RAD51B: variants seen among roughly 807,000 people sequenced by gnomAD.
The protein encoded by RAD51B is RAD51 paralog B, also known as DNA repair protein RAD51 homolog 2.
Under a neutral mutation model 42.2 loss-of-function variants are expected in RAD51B, and 38 were observed. The ratio of observed to expected loss-of-function variants is 0.90; its 90% CI spans 0.70 to 1.18. RAD51B has a LOEUF of 1.18. Ranked by LOEUF, RAD51B falls within the 50% of genes most tolerant of loss-of-function variation. The pLI is 0.00. For synonymous variants in RAD51B, 154 were observed against 145.2 expected, an observed-to-expected ratio of 1.06 and a Z score of -0.43; for missense variants, 373 against 400.7, an observed-to-expected ratio of 0.93 and a Z score of 0.59.
At chr14:68,495,507 G>T (rs3784130) in intron 10 of RAD51B, among the ~76,000 whole-genome samples, 1 of 151,958 alleles carries the variant, frequency 6.6e-6, no homozygotes, top group Non-Finnish European at 1.5e-5. Flanking sequence ...CTCAGGGCTA[G>T]GCTGGAGGGG....
chr14:68,508,540 C>G (rs1240214864), intron 10 of RAD51B, among the ~76,000 whole-genome samples: 1 of 152,176 alleles, frequency 6.6e-6, no homozygotes, highest in African/African-American at 2.4e-5. Context: ...CTATTCAAGG[C>G]CCAGACATAA....
At chr14:68,005,274 G>A (rs1032510679) in intron 7 of RAD51B, among the ~76,000 whole-genome samples, 3 of 151,828 alleles carry the variant, frequency 2.0e-5, no homozygotes, top group African/African-American at 4.8e-5. Context: ...GGCTGATCTC[G>A]AACTCCTGAC....
intron 7 of RAD51B, among the ~76,000 whole-genome samples, chr14:67,899,722 A>G (rs112430431): frequency 1.1e-4 from 17 of 152,346 alleles, no homozygotes; most frequent in African/African-American, 4.1e-4. Context: ...TCTTATTGAT[A>G]ACTACTTTTT....
intron 7 of RAD51B, among the ~76,000 whole-genome samples, chr14:68,087,760 A>C (rs2077007404): frequency 6.7e-6 from 1 of 148,870 alleles, no homozygotes; most frequent in Admixed American, 6.8e-5. Flanking sequence ...ATATTAAATA[A>C]ATAAGAACTG....
At chr14:68,313,424 G>C (rs1353878481) in intron 8 of RAD51B, among the ~76,000 whole-genome samples, 1 of 152,126 alleles carries the variant, frequency 6.6e-6, no homozygotes, top group Non-Finnish European at 1.5e-5. Flanking sequence ...GTCTTTCATG[G>C]GTAGCTTACA....
intron 7 of RAD51B, among the ~76,000 whole-genome samples, chr14:68,029,220 T>C (rs1163727285): frequency 1.3e-5 from 2 of 152,262 alleles, no homozygotes; most frequent in South Asian, 2.1e-4. Flanking sequence ...CAAATTGTGT[T>C]GGTTTACTTG....
chr14:68,225,454 C>T (rs901076579), intron 7 of RAD51B, among the ~76,000 whole-genome samples: 3 of 152,132 alleles, frequency 2.0e-5, no homozygotes, highest in African/African-American at 7.2e-5. Context: ...TTCTTTCAGT[C>T]TAAATTAAGG....
At chr14:68,391,758 C>T (rs144284451) in intron 8 of RAD51B, among the ~76,000 whole-genome samples, 12 of 152,218 alleles carry the variant, frequency 7.9e-5, no homozygotes, top group Admixed American at 3.3e-4. Flanking sequence ...CTTGTTGACT[C>T]AGTTCCCATG....
intron 11 of RAD51B, among the ~76,000 whole-genome samples, chr14:68,654,711 G>A (rs1269551323): frequency 1.3e-5 from 2 of 152,246 alleles, no homozygotes; most frequent in East Asian, 1.9e-4. Flanking sequence ...ACTCTACCGC[G>A]GCCTTGAGTG....
chr14:68,346,115 A>G (rs570142943), intron 8 of RAD51B, among the ~76,000 whole-genome samples: 1 of 152,376 alleles, frequency 6.6e-6, no homozygotes, highest in Non-Finnish European at 1.5e-5. Context: ...AGATTAAAAT[A>G]TAAATATCTT....
intron 11 of RAD51B, among the ~76,000 whole-genome samples, chr14:68,673,524 G>A (rs565552613): frequency 3.7e-4 from 53 of 142,006 alleles, no homozygotes; most frequent in African/African-American, 1.1e-3. Flanking sequence ...ACATATGTAC[G>A]CGCACACACA....
At chr14:68,223,455 A>G (rs572916289) in intron 7 of RAD51B, among the ~76,000 whole-genome samples, 3 of 152,354 alleles carry the variant, frequency 2.0e-5, no homozygotes, top group African/African-American at 7.2e-5. Flanking sequence ...AAGTCGTCCA[A>G]GTTCACTGAG....
intron 7 of RAD51B, among the ~76,000 whole-genome samples, chr14:67,959,153 A>G: frequency 6.6e-6 from 1 of 152,316 alleles, no homozygotes; most frequent in South Asian, 2.1e-4. Flanking sequence ...GTTTATACAT[A>G]TAAAATAATA....
chr14:67,832,152 T>C (rs2140292744), intron 3 of RAD51B, among the ~76,000 whole-genome samples: 1 of 152,328 alleles, frequency 6.6e-6, no homozygotes, highest in Middle Eastern at 3.4e-3. Context: ...TGTTTATTGA[T>C]TTTTACAGAG....
intron 10 of RAD51B, among the ~76,000 whole-genome samples, chr14:68,523,298 T>C (rs1415207942): frequency 2.6e-5 from 4 of 151,998 alleles, no homozygotes; most frequent in African/African-American, 9.7e-5. Context: ...CCAAGGAGAG[T>C]TCCCTGACAT....
chr14:68,213,611 G>A (rs201807448), intron 7 of RAD51B, among the ~76,000 whole-genome samples: 2 of 152,102 alleles, frequency 1.3e-5, no homozygotes, highest in East Asian at 3.9e-4. Flanking sequence ...CAATACTAAC[G>A]TATACCTACT....
At chr14:67,832,687 C>T (rs1299467662) in intron 3 of RAD51B, among the ~76,000 whole-genome samples, 3 of 152,136 alleles carry the variant, frequency 2.0e-5, no homozygotes, top group African/African-American at 4.8e-5. Flanking sequence ...CATTAGCTTC[C>T]TGTCCTTGCC....
intron 10 of RAD51B, among the ~76,000 whole-genome samples, chr14:68,550,009 T>G (rs1302879887): frequency 6.6e-6 from 1 of 152,184 alleles, no homozygotes; most frequent in African/African-American, 2.4e-5. Flanking sequence ...GGGCGTAGAT[T>G]GTCCTGCTAC....
chr14:68,143,019 GT>G (rs1566677948), intron 7 of RAD51B, among the ~76,000 whole-genome samples: 9 of 150,260 alleles, frequency 6.0e-5, no homozygotes, highest in African/African-American at 2.0e-4. Flanking sequence ...GGGCGAGGGG[GT>G]GGGGGGGGAG....
Sources: allele counts gnomAD v4.1 joint callset (sites outside exome capture counted in the v4.1 genomes callset), GRCh38; gene constraint gnomAD v4.1.1; transcripts MANE v1.5; gene names NCBI Gene and HGNC (gene_info 2026-07-23, HGNC 2026-07-21).